The following DNAH11 variants were observed in gnomAD, a reference collection of about 807,000 sequenced individuals.
DNAH11 encodes axonemal beta dynein heavy chain 11.
A neutral mutation model predicts 526.0 loss-of-function variants in DNAH11; 442 were observed. That is an observed-to-expected ratio of 0.84 (90% CI 0.78 to 0.91). The LOEUF is 0.91. Among genes scored for constraint, DNAH11 ranks in the 40% least tolerant of loss-of-function variants. The probability of loss-of-function intolerance (pLI) is 0.00; values close to 1 mark genes in which losing one functional copy is unlikely to be tolerated. For missense variants in DNAH11, 6,989 were observed against 5,448.7 expected (o/e 1.28, Z -8.90); for synonymous variants, 2,461 against 1,935.9 (o/e 1.27, Z -7.12).
At chr7:21,739,483 C>T in intron 47 of DNAH11, 88 bp from the exon 48 acceptor site, 1 of 900,522 alleles carries the variant, frequency 1.1e-6, no homozygotes, top group Non-Finnish European at 1.7e-6. Flanking sequence ...AGGAGGTAAT[C>T]TGCGATGAAG....
intron 57 of DNAH11, among the ~76,000 whole-genome samples, chr7:21,783,939 C>A (rs1788065947): frequency 6.6e-6 from 1 of 152,178 alleles, no homozygotes; most frequent in East Asian, 1.9e-4. Flanking sequence ...AGAATATCTT[C>A]TAGCCAGTTG....
At chr7:21,597,819 G>A (rs1784921055) in intron 14 of DNAH11, among the ~76,000 whole-genome samples, 1 of 152,176 alleles carries the variant, frequency 6.6e-6, no homozygotes, top group South Asian at 2.1e-4. Flanking sequence ...GGTCTCTAAG[G>A]ATTTTTCTTC....
chr7:21,819,324 T>TG (rs1200964804), intron 65 of DNAH11, among the ~76,000 whole-genome samples: 1 of 152,188 alleles, frequency 6.6e-6, no homozygotes, highest in Non-Finnish European at 1.5e-5. Flanking sequence ...GACTAACTTC[T>TG]TGGTCTCTAA....
At chr7:21,823,212 A>T (rs1445714702) in intron 65 of DNAH11, among the ~76,000 whole-genome samples, 2 of 152,110 alleles carry the variant, frequency 1.3e-5, no homozygotes, top group East Asian at 3.9e-4. Flanking sequence ...TTTTTCAAAT[A>T]AACAGGCACT....
chr7:21,801,946 G>A (rs1255931208), intron 62 of DNAH11, among the ~76,000 whole-genome samples: 3 of 152,254 alleles, frequency 2.0e-5, no homozygotes, highest in Non-Finnish European at 2.9e-5. Flanking sequence ...AGGAACATAC[G>A]TTCTTTGATA....
At chr7:21,690,385 C>G (rs543336374) in intron 34 of DNAH11, among the ~76,000 whole-genome samples, 1 of 152,280 alleles carries the variant, frequency 6.6e-6, no homozygotes, top group East Asian at 1.9e-4. Flanking sequence ...CCTTTCTCCT[C>G]TTAGTATGGG....
chr7:21,810,667 A>C lies in DNAH11; in HGVS notation c.10332+2618A>C, dbSNP rs59128171. On this transcript the variant is annotated intron_variant, in intron 63 of 81. Coordinates refer to ENST00000409508, the MANE Select transcript of DNAH11 (RefSeq NM_001277115.2). ...GATAAGTTTATAATCACAGTAATAA[A>C]GCTTTCATCAGAATACTCAAAGTCT... Among the ~76,000 whole-genome samples the C allele has an allele frequency of 6.6e-4, 101 of 152,312 alleles. No individual in the cohort carries two copies. The East Asian group carries it at 0.019, about 29-fold the overall frequency.
intron 74 of DNAH11, among the ~76,000 whole-genome samples, chr7:21,879,352 G>T (rs758849571): frequency 1.4e-4 from 22 of 152,074 alleles, no homozygotes; most frequent in African/African-American, 5.3e-4. Flanking sequence ...AGCTACTCGG[G>T]AGGCTGAGGC....
At chr7:21,826,654 T>G (rs969413490) in intron 65 of DNAH11, among the ~76,000 whole-genome samples, 1 of 152,168 alleles carries the variant, frequency 6.6e-6, no homozygotes, top group African/African-American at 2.4e-5. Flanking sequence ...ACAAACATTT[T>G]CCTTGGTATT....
rs373973277 is a variant in DNAH11 at position 21,821,232 on chromosome 7, A to G, written c.10691+2893A>G. On this transcript the variant is annotated intron_variant, in intron 65 of 81. Coordinates refer to ENST00000409508, the MANE Select transcript of DNAH11 (RefSeq NM_001277115.2). ...GAACTAATAATTTCTCTTACTAGAC[A>G]TGCAAAGGTTGAGGTACTTCTTTAA... 1.1e-4 allele frequency among the ~76,000 whole-genome samples: 16 copies of G among 151,282 alleles called. No homozygotes were observed. The East Asian group carries it at 2.4e-3, about 22-fold the overall frequency.
rs190194250 is a variant in DNAH11 at position 21,583,827 on chromosome 7, A to C, written c.1710+1806A>C. ...TTATGTGGCCAAGAAACATGAAAAA[A>C]AGCTCATCATCACTGGTCATTAGAG... On this transcript the variant is annotated intron_variant, in intron 9 of 81. Coordinates refer to ENST00000409508, the MANE Select transcript of DNAH11 (RefSeq NM_001277115.2). Among the ~76,000 whole-genome samples, 944 of 152,370 alleles carry C rather than the reference A, an allele frequency of 6.2e-3. 8 individuals carry two copies. The highest frequency in any genetic ancestry group is 0.045 in the South Asian group (216 of 4,830).
chr7:21,561,188 C>T lies in DNAH11; in HGVS notation c.982+18C>T, dbSNP rs1318512047. On this transcript the variant is annotated intron_variant, in intron 5 of 81. Transcript: ENST00000409508. ...GGAAAATGGTAAGACTCTTGTTCCTCAGCCTGGCATCAATATCACCATCTG... is the reference window on the plus strand; with the variant it reads ...GGAAAATGGTAAGACTCTTGTTCCTTAGCCTGGCATCAATATCACCATCTG... The T allele has an allele frequency of 5.2e-6, 8 of 1,541,068 alleles. No individual in the cohort carries two copies. In the Admixed American group the frequency reaches 1.1e-4, roughly 22 times the overall value.
chr7:21,640,483 A>G (rs979410635), intron 28 of DNAH11, among the ~76,000 whole-genome samples: 4 of 145,790 alleles, frequency 2.7e-5, no homozygotes, highest in African/African-American at 8.5e-5. Context: ...AGAGAGGTAC[A>G]TAAATCTGTG....
At chr7:21,868,109 T>TTC in intron 72 of DNAH11, 102 bp downstream of exon 72, 1 of 1,124,874 alleles carries the variant, frequency 8.9e-7, no homozygotes, top group Non-Finnish European at 1.2e-6. Context: ...AGTTTCTTTT[T>TTC]TTTTTTTTTT....
At chr7:21,631,892 G>A (rs963770936) in intron 25 of DNAH11, among the ~76,000 whole-genome samples, 3 of 152,214 alleles carry the variant, frequency 2.0e-5, no homozygotes, top group African/African-American at 7.2e-5. Flanking sequence ...GGGACTTTGT[G>A]TGGGGGCTCT....
chr7:21,730,945 A>ACCAACCTGG (rs1785354785), intron 45 of DNAH11, among the ~76,000 whole-genome samples: 1 of 152,154 alleles, frequency 6.6e-6, no homozygotes, highest in Non-Finnish European at 1.5e-5. Flanking sequence ...GGAGTTCGAG[A>ACCAACCTGG]CCAACCTGGC....
chr7:21,578,301 GC>G (rs1324593951), intron 8 of DNAH11, among the ~76,000 whole-genome samples: 1 of 152,202 alleles, frequency 6.6e-6, no homozygotes, highest in African/African-American at 2.4e-5. Context: ...AAACAAAGGG[GC>G]TACAGGCCCT....
At chr7:21,666,091 G>T (rs1782411915) in intron 30 of DNAH11, among the ~76,000 whole-genome samples, 2 of 152,004 alleles carry the variant, frequency 1.3e-5, no homozygotes, top group Non-Finnish European at 1.5e-5. Flanking sequence ...ATGATTATAA[G>T]TAATTCCTTT....
chr7:21,791,114 G>A (rs1788462288), intron 61 of DNAH11, among the ~76,000 whole-genome samples: 1 of 152,194 alleles, frequency 6.6e-6, no homozygotes. Flanking sequence ...GAGGAATACA[G>A]GAGCAGGATG....
Sources: gnomAD v4.1 joint callset for allele counts (sites outside exome capture counted in the v4.1 genomes callset) on GRCh38, gnomAD v4.1.1 for gene constraint, MANE v1.5 for transcripts, NCBI Gene and HGNC (gene_info 2026-07-23, HGNC 2026-07-21) for gene names.